Variants in EEFSEC observed in about 807,000 individuals in gnomAD.
The protein encoded by EEFSEC is eukaryotic elongation factor, selenocysteine-tRNA specific.
EEFSEC carries 43 observed loss-of-function variants against 42.1 expected under a neutral mutation model. The ratio of observed to expected loss-of-function variants is 1.02; its 90% CI spans 0.80 to 1.32. The LOEUF (loss-of-function observed/expected upper bound fraction) is 1.32, where lower values mean the gene tolerates loss of function less well. EEFSEC is among the 40% of genes most tolerant of loss of function. The pLI is 0.00. For missense variants in EEFSEC, 745 were observed against 803.6 expected, an observed-to-expected ratio of 0.93 and a Z score of 0.88; for synonymous variants, 354 against 339.1, an observed-to-expected ratio of 1.04 and a Z score of -0.48.
downstream of EEFSEC, among the ~76,000 whole-genome samples, chr3:128,411,498 T>C (rs1411628059): frequency 6.6e-6 from 1 of 152,118 alleles, no homozygotes; most frequent in Non-Finnish European, 1.5e-5. Context: ...GCTTCAGGCG[T>C]GTCCTTGGAA....
chr3:128,163,754 A>G (rs1360958630), intron 1 of EEFSEC, among the ~76,000 whole-genome samples: 1 of 152,008 alleles, frequency 6.6e-6, no homozygotes, highest in East Asian at 1.9e-4. Flanking sequence ...ATGTCTCTGG[A>G]TTGACCGGTC....
intron 4 of EEFSEC, among the ~76,000 whole-genome samples, chr3:128,287,464 C>T (rs1432338904): frequency 6.6e-6 from 1 of 152,224 alleles, no homozygotes; most frequent in Non-Finnish European, 1.5e-5. Context: ...TTTCTTCCTA[C>T]TAGCCTTGGC....
intron 1 of EEFSEC, among the ~76,000 whole-genome samples, chr3:128,193,588 G>C (rs963250539): frequency 1.3e-5 from 2 of 152,184 alleles, no homozygotes; most frequent in African/African-American, 4.8e-5. Context: ...AAAATGAATT[G>C]ACTTATTTGC....
At chr3:128,367,632 A>G (rs1418466736) in intron 6 of EEFSEC, 1 of 985,412 alleles carries the variant, frequency 1.0e-6, no homozygotes, top group Non-Finnish European at 1.2e-6. Flanking sequence ...CTGCACCCCT[A>G]CTTAGGCTGC....
At position 128,348,727 on chromosome 3, in the gene EEFSEC, A is replaced by G. The variant is rs1019066047; in HGVS notation, c.1443+6838A>G. Among the ~76,000 whole-genome samples, 3 of 152,348 alleles carry G rather than the reference A, an allele frequency of 2.0e-5. No individual in the cohort carries two copies. The East Asian group carries it at 5.8e-4, about 29-fold the overall frequency. ...AGGTAAATAGTAGGTCGGGTATGCA[A>G]AGATCTGGCAAAAATGATGTGGGGT... is the stretch of plus-strand genomic sequence containing the variant. On this transcript the variant is annotated intron_variant, in intron 5 of 6. Transcript: ENST00000254730.
chr3:128,345,257 A>C (rs2067299232), intron 5 of EEFSEC, among the ~76,000 whole-genome samples: 1 of 152,128 alleles, frequency 6.6e-6, no homozygotes, highest in Admixed American at 6.5e-5. Flanking sequence ...TTAATGTTTA[A>C]GCTCTTAGAG....
intron 3 of EEFSEC, 95 bp from the exon 4 acceptor site, chr3:128,264,522 A>G: frequency 7.0e-7 from 1 of 1,425,510 alleles, no homozygotes; most frequent in Non-Finnish European, 9.6e-7. Context: ...GGCAGCCTTG[A>G]TGAACTGCTG....
At position 128,343,946 on chromosome 3, in the gene EEFSEC, T is replaced by C. The variant is rs555757233; in HGVS notation, c.1443+2057T>C. 1.4e-4 allele frequency among the ~76,000 whole-genome samples: 22 copies of C among 152,340 alleles called. No homozygotes were observed. The South Asian group carries it at 4.6e-3, about 32-fold the overall frequency. On this transcript the variant is annotated intron_variant, in intron 5 of 6. Coordinates refer to ENST00000254730, the MANE Select transcript of EEFSEC (RefSeq NM_021937.5). The stretch of plus-strand genomic sequence containing the variant: ...CAACCCTGAGCAGAGACAGGCTTCC[T>C]CCAACCAGGGACAGCCTCACAGGGT...
intron 1 of EEFSEC, among the ~76,000 whole-genome samples, chr3:128,165,662 C>T (rs1241679283): frequency 3.3e-5 from 5 of 152,260 alleles, no homozygotes; most frequent in African/African-American, 1.2e-4. Flanking sequence ...TCCTTTGTCT[C>T]TAACCTACTT....
At chr3:128,384,355 A>T (rs1382443867) in intron 6 of EEFSEC, among the ~76,000 whole-genome samples, 2 of 152,222 alleles carry the variant, frequency 1.3e-5, no homozygotes, top group African/African-American at 2.4e-5. Context: ...AGAAGACCTC[A>T]TGGGCCATGT....
chr3:128,256,812 G>A (rs1002870366), intron 2 of EEFSEC, among the ~76,000 whole-genome samples: 2 of 152,108 alleles, frequency 1.3e-5, no homozygotes, highest in African/African-American at 4.8e-5. Context: ...GCCCAGTCTG[G>A]ATCTCACTAT....
intron 5 of EEFSEC, among the ~76,000 whole-genome samples, chr3:128,348,265 T>C (rs58706866): frequency 1.2e-4 from 11 of 93,712 alleles, no homozygotes; most frequent in African/African-American, 2.5e-4. Context: ...TGTGTGTGTG[T>C]GTGTGCGTGT....
intron 4 of EEFSEC, among the ~76,000 whole-genome samples, chr3:128,295,153 A>C (rs1000653373): frequency 6.6e-6 from 1 of 152,234 alleles, no homozygotes; most frequent in East Asian, 1.9e-4. Flanking sequence ...AAAAAGCTGC[A>C]GCTGATTCCA....
At chr3:128,381,994 A>G (rs756857399) in intron 6 of EEFSEC, among the ~76,000 whole-genome samples, 3 of 152,144 alleles carry the variant, frequency 2.0e-5, no homozygotes, top group Non-Finnish European at 2.9e-5. Flanking sequence ...CTACCTCGGG[A>G]CGGGAGGAGA....
chr3:128,344,443 A>C (rs1285320151), intron 5 of EEFSEC, among the ~76,000 whole-genome samples: 1 of 152,266 alleles, frequency 6.6e-6, no homozygotes, highest in East Asian at 1.9e-4. Context: ...ATAATTATTC[A>C]GTGTAAGGAA....
intron 5 of EEFSEC, 99 bp downstream of exon 5, chr3:128,341,988 A>G (rs1263030030): frequency 3.4e-6 from 5 of 1,461,350 alleles, no homozygotes; most frequent in Non-Finnish European, 4.5e-6. Flanking sequence ...AAAGGCCCTC[A>G]GAGACCTTCT....
intron 6 of EEFSEC, among the ~76,000 whole-genome samples, chr3:128,401,106 C>A (rs996662837): frequency 8.5e-5 from 13 of 152,120 alleles, no homozygotes; most frequent in African/African-American, 2.9e-4. Flanking sequence ...ACACACACAC[C>A]CTAGCCCACC....
chr3:128,423,275 A>C, the EEFSEC span, among the ~76,000 whole-genome samples: 3 of 152,124 alleles, frequency 2.0e-5, no homozygotes, highest in African/African-American at 4.8e-5. Context: ...ATATCTATCT[A>C]CCCATGCAAT....
At chr3:128,200,264 G>A (rs1240775114) in intron 1 of EEFSEC, among the ~76,000 whole-genome samples, 1 of 152,074 alleles carries the variant, frequency 6.6e-6, no homozygotes. Context: ...GTAACACAAG[G>A]AAATCTTTCT....
Sources: allele counts gnomAD v4.1 joint callset (sites outside exome capture counted in the v4.1 genomes callset), GRCh38; gene constraint gnomAD v4.1.1; transcripts MANE v1.5; gene names NCBI Gene and HGNC (gene_info 2026-07-23, HGNC 2026-07-21).